The following IQANK1 variants were observed in gnomAD, a reference collection of about 807,000 sequenced individuals.
IQANK1 encodes the protein IQ motif and ankyrin repeat domain-containing protein 1.
Under a neutral mutation model 22.6 loss-of-function variants are expected in IQANK1, and 30 were observed. That is an observed-to-expected ratio of 1.33 (90% CI 0.99 to 1.80). IQANK1 has a LOEUF of 1.80. IQANK1 is among the 40% of genes most tolerant of loss of function. The pLI, the probability that IQANK1 is intolerant of heterozygous loss-of-function variation, is 0.00. For missense variants in IQANK1, 275 were observed against 235.2 expected, an observed-to-expected ratio of 1.17 and a Z score of -1.11; for synonymous variants, 122 against 99.6, an observed-to-expected ratio of 1.23 and a Z score of -1.34.
intron 3 of IQANK1, among the ~76,000 whole-genome samples, chr8:143,765,877 AGATTTT>A (rs1554629192): frequency 6.6e-6 from 1 of 152,192 alleles, no homozygotes; most frequent in Non-Finnish European, 1.5e-5. Context: ...GATTATTTGT[AGATTTT>A]GGTTTTAAAA....
chr8:143,766,103 G>A (rs1819476351), intron 3 of IQANK1, among the ~76,000 whole-genome samples: 1 of 152,138 alleles, frequency 6.6e-6, no homozygotes, highest in African/African-American at 2.4e-5. Context: ...TCTAGCCGGT[G>A]TGCGTGGTAT....
chr8:143,755,944 C>T (rs1405807209), intron 3 of IQANK1, among the ~76,000 whole-genome samples: 1 of 152,144 alleles, frequency 6.6e-6, no homozygotes, highest in Non-Finnish European at 1.5e-5. Flanking sequence ...ATGCAAAGCC[C>T]CCATCTCTGC....
chr8:143,778,151 C>T (rs1465999652), intron 7 of IQANK1, among the ~76,000 whole-genome samples: 1 of 151,314 alleles, frequency 6.6e-6, no homozygotes, highest in Non-Finnish European at 1.5e-5. Flanking sequence ...GCCAAGATCG[C>T]ACCACTGCAC....
At chr8:143,784,118 A>G (rs1819843953) in intron 7 of IQANK1, among the ~76,000 whole-genome samples, 1 of 151,972 alleles carries the variant, frequency 6.6e-6, no homozygotes, top group African/African-American at 2.4e-5. Context: ...AGATCTCACC[A>G]TAGCCTCTAC....
intron 3 of IQANK1, 132 bp downstream of exon 3, chr8:143,740,080 G>A: frequency 5.7e-6 from 3 of 527,722 alleles, no homozygotes; most frequent in South Asian, 2.5e-5. Context: ...GTGCGCGCAC[G>A]TGTGGGAGTG....
intron 13 of IQANK1, 35 bp downstream of exon 13, chr8:143,790,306 C>T (rs1820008778): frequency 8.1e-7 from 1 of 1,231,256 alleles, no homozygotes; most frequent in African/African-American, 1.6e-5. Context: ...CACCCCACCC[C>T]ACCTCCCTAG....
intron 2 of IQANK1, among the ~76,000 whole-genome samples, chr8:143,737,704 G>A (rs1818779241): frequency 1.3e-5 from 2 of 152,274 alleles, no homozygotes; most frequent in East Asian, 1.9e-4. Context: ...CCAGGGCCAC[G>A]GCCAGCTGCA....
rs1818723678 is a variant in IQANK1 at position 143,735,873 on chromosome 8, G to T, written c.20G>T (p.Arg7Ile). Residue 7 changes from arginine to isoleucine, a missense_variant, in exon 2 of 14, where the codon AGA becomes ATA. Physicochemically the swap from Arg to Ile is moderately conservative, Grantham distance 97 (BLOSUM62 -3). Transcript: ENST00000527139. The surrounding 1 kb of genome is among the most constrained non-coding windows in gnomAD (Gnocchi z 5.2). The part of the protein sequence containing the change: MDSKKG[R>I]PKAAAGKWQT... ...AGGAGAATGGACAGTAAGAAGGGGA[G>T]ACCCAAAGCTGCAGCTGGGAAGTGG... 2.8e-6 allele frequency: 2 copies of T among 702,488 alleles called. No homozygotes were observed. The highest frequency in any genetic ancestry group is 2.0e-5 in the Admixed American group (1 of 49,978). The allele number at this position is 702,488 out of a possible 1,614,324, so 43.5% of individuals were successfully genotyped here. A position where few individuals can be genotyped will look rare whatever the true frequency, so the allele number is the denominator to read the frequency against.
chr8:143,774,344 C>G lies in IQANK1; in HGVS notation c.789+1862C>G, dbSNP rs559419816. ...CCTAGAACATAGAAAAAACTCACAT[C>G]GCAAACAACAATGAAACATACAATC... On this transcript the variant is annotated intron_variant, in intron 7 of 13. Coordinates refer to ENST00000527139, the MANE Select transcript of IQANK1 (RefSeq NM_001381874.1). The surrounding 1 kb of genome is among the most constrained non-coding windows in gnomAD (Gnocchi z 4.2). Among the ~76,000 whole-genome samples the G allele has an allele frequency of 9.2e-5, 14 of 152,240 alleles. No individual in the cohort carries two copies. The South Asian group carries it at 2.9e-3, about 32-fold the overall frequency.
intron 3 of IQANK1, among the ~76,000 whole-genome samples, chr8:143,769,411 G>A (rs1819533293): frequency 6.6e-6 from 1 of 151,816 alleles, no homozygotes; most frequent in African/African-American, 2.4e-5. Flanking sequence ...TGTCCAGGCT[G>A]GCCTCAAACT....
At chr8:143,734,825 C>T (rs545918004) in intron 1 of IQANK1, among the ~76,000 whole-genome samples, 4 of 151,610 alleles carry the variant, frequency 2.6e-5, no homozygotes, top group Admixed American at 6.6e-5. Flanking sequence ...TCATACCAGA[C>T]GCCCCCCCAT....
intron 3 of IQANK1, among the ~76,000 whole-genome samples, chr8:143,770,003 G>T (rs1182019949): frequency 6.6e-6 from 1 of 152,208 alleles, no homozygotes; most frequent in African/African-American, 2.4e-5. Context: ...CTCGGAGGCT[G>T]AGGTGGGAGG....
Position 143,790,056 on chromosome 8 carries a change from C to T in IQANK1, c.1281C>T (p.Ala427=), listed in dbSNP as rs527283192. 1.2e-5 allele frequency: 15 copies of T among 1,232,078 alleles called. No individual in the cohort carries two copies. Among genetic ancestry groups the T allele is most frequent in the Admixed American group, 8.4e-5 (2 of 23,728 alleles). The allele number at this position is 1,232,078 out of a possible 1,614,324, so 76.3% of individuals were successfully genotyped here. The change falls in exon 12 of 14, where the codon GCC becomes GCT. Residue 427 remains alanine, a synonymous_variant. Coordinates refer to ENST00000527139, the MANE Select transcript of IQANK1 (RefSeq NM_001381874.1). ...AAGATGTAGGCAACCGCATCCGTGCCGATGGCCGGTCAGTTCTCCGGGCCA... is the reference window on the plus strand; with the variant it reads ...AAGATGTAGGCAACCGCATCCGTGCTGATGGCCGGTCAGTTCTCCGGGCCA... The part of the protein sequence containing the change: ...LMKDVGNRIR[A]DGRWPLVIDP...
intron 7 of IQANK1, among the ~76,000 whole-genome samples, chr8:143,775,596 T>A (rs1379096211): frequency 4.0e-5 from 6 of 151,854 alleles, no homozygotes; most frequent in African/African-American, 1.5e-4. Context: ...CCATCTCTAC[T>A]AAAAATACAA....
Position 143,772,120 on chromosome 8 carries a change from A to T in IQANK1, c.540A>T (p.Arg180=), listed in dbSNP as rs1554629848. The change falls in exon 6 of 14, where the codon CGA becomes CGT. Residue 180 remains arginine, a synonymous_variant. Transcript: ENST00000527139. The part of the protein sequence containing the change: ...DEAGEARRLQ[R]RVALAECEDS... ...CAGGCGAGGCGCGGCGGCTGCAGCG[A>T]CGCGTGGCTCTGGCGGAGTGCGAGG... 1 of 395,662 alleles carries T rather than the reference A, an allele frequency of 2.5e-6. No individual in the cohort carries two copies. The highest frequency in any genetic ancestry group is 3.6e-5 in the East Asian group (1 of 27,894). 24.5% of individuals were successfully genotyped at this position (395,662 alleles called of 1,614,324 possible).
Position 143,789,816 on chromosome 8 carries a change from C to T in IQANK1, c.1142C>T (p.Ala381Val), listed in dbSNP as rs1398139848. ...AGGCTGCGGCAGGAGGCCCAGAAGGCCGAGGAGGCGCTGGCTATGGCCAGG... is the reference window on the plus strand; with the variant it reads ...AGGCTGCGGCAGGAGGCCCAGAAGGTCGAGGAGGCGCTGGCTATGGCCAGG... ...VDRLRQEAQK[A>V]EEALAMARLE... Residue 381 changes from alanine to valine, a missense_variant, in exon 11 of 14, where the codon GCC becomes GTC. Physicochemically the swap from Ala to Val is moderately conservative, Grantham distance 64 (BLOSUM62 0). Transcript: ENST00000527139. 2.4e-6 allele frequency: 3 copies of T among 1,232,062 alleles called. No individual in the cohort carries two copies. The East Asian group carries it at 9.5e-5, about 39-fold the overall frequency. 76.3% of individuals were successfully genotyped at this position (1,232,062 alleles called of 1,614,324 possible).
At chr8:143,789,620 G>C (rs1291890633) in intron 10 of IQANK1, 92 bp downstream of exon 10, 13 of 1,225,972 alleles carry the variant, frequency 1.1e-5, no homozygotes, top group Non-Finnish European at 1.3e-5. Context: ...CCCAGGCCTG[G>C]GGTTTTTCCC....
chr8:143,742,338 C>T (rs1220769838), intron 3 of IQANK1: 1 of 453,068 alleles, frequency 2.2e-6, no homozygotes, highest in South Asian at 1.6e-5. Context: ...GCCAGGATCT[C>T]CCTGCTTGGG....
chr8:143,770,019 C>T (rs1474661853), intron 3 of IQANK1, among the ~76,000 whole-genome samples: 3 of 152,124 alleles, frequency 2.0e-5, no homozygotes, highest in African/African-American at 7.2e-5. Flanking sequence ...GGAGGATTGC[C>T]GGAACCGGGG....
Sources: allele counts gnomAD v4.1 joint callset (sites outside exome capture counted in the v4.1 genomes callset), GRCh38; gene constraint gnomAD v4.1.1; non-coding constraint Gnocchi (gnomAD v3.1); transcripts MANE v1.5; gene names NCBI Gene and HGNC (gene_info 2026-07-23, HGNC 2026-07-21).